Variants in RNF138 observed in about 807,000 individuals in gnomAD.
RNF138 encodes ring finger protein 138.
RNF138 carries 12 observed loss-of-function variants against 31.0 expected under a neutral mutation model. That is an observed-to-expected ratio of 0.39 (90% CI 0.25 to 0.63). The LOEUF (loss-of-function observed/expected upper bound fraction) is 0.63, where lower values mean the gene tolerates loss of function less well. Among genes scored for constraint, RNF138 ranks in the 20% least tolerant of loss-of-function variants. The probability of loss-of-function intolerance (pLI) is 0.52; values close to 1 mark genes in which losing one functional copy is unlikely to be tolerated. For synonymous variants in RNF138, 105 were observed against 99.5 expected (o/e 1.06, Z -0.33); for missense variants, 192 against 300.1 (o/e 0.64, Z 2.66).
At chr18:32,112,593 A>T (rs564551597) in intron 3 of RNF138, among the ~76,000 whole-genome samples, 1 of 152,286 alleles carries the variant, frequency 6.6e-6, no homozygotes, top group East Asian at 1.9e-4. Flanking sequence ...GCTGAGGCAG[A>T]ATTGTTTGAA....
At chr18:32,100,221 T>A (rs547653186) in intron 2 of RNF138, among the ~76,000 whole-genome samples, 1 of 149,382 alleles carries the variant, frequency 6.7e-6, no homozygotes, top group Non-Finnish European at 1.5e-5. Flanking sequence ...TATATATATA[T>A]AAAATCTTTG....
intron 4 of RNF138, among the ~76,000 whole-genome samples, chr18:32,120,861 T>A (rs1315276336): frequency 1.3e-5 from 2 of 152,118 alleles, no homozygotes; most frequent in East Asian, 3.9e-4. Context: ...TGCATAGTAC[T>A]GGCTGGGGGC....
At chr18:32,103,943 C>T (rs1220134866) in intron 2 of RNF138, among the ~76,000 whole-genome samples, 1 of 149,402 alleles carries the variant, frequency 6.7e-6, no homozygotes, top group African/African-American at 2.5e-5. Context: ...CCAGCCTGGG[C>T]GACAGAGCAA....
intron 2 of RNF138, among the ~76,000 whole-genome samples, chr18:32,101,370 C>T (rs1203187531): frequency 1.3e-5 from 2 of 151,814 alleles, no homozygotes; most frequent in African/African-American, 2.4e-5. Flanking sequence ...AGGCGTGCAC[C>T]ACCACTCCTG....
chr18:32,126,367 T>C (rs878988177), intron 6 of RNF138, among the ~76,000 whole-genome samples: 2 of 152,230 alleles, frequency 1.3e-5, no homozygotes, highest in Admixed American at 1.3e-4. Flanking sequence ...TGAGATAATA[T>C]ATTGGATATG....
chr18:32,108,431 T>C (rs1185608538), intron 2 of RNF138, among the ~76,000 whole-genome samples: 2 of 152,278 alleles, frequency 1.3e-5, no homozygotes, highest in East Asian at 1.9e-4. Context: ...GTTTGTACTC[T>C]TTTATATCTG....
At chr18:32,117,286 T>C (rs1338776303) in intron 4 of RNF138, among the ~76,000 whole-genome samples, 1 of 152,056 alleles carries the variant, frequency 6.6e-6, no homozygotes, top group Non-Finnish European at 1.5e-5. Flanking sequence ...GCTCTAATTA[T>C]GCGATTTGAG....
chr18:32,123,651 A>AATT, intron 5 of RNF138, 77 bp downstream of exon 5: 1 of 1,005,270 alleles, frequency 9.9e-7, no homozygotes. Flanking sequence ...TTTAAATTAA[A>AATT]CTTTTTTTTT....
chr18:32,093,535 T>G (rs911227639), intron 2 of RNF138, among the ~76,000 whole-genome samples: 2 of 152,234 alleles, frequency 1.3e-5, no homozygotes, highest in African/African-American at 4.8e-5. Context: ...CTCTTAAAAC[T>G]GACAGGATTT....
At chr18:32,093,502 T>A (rs1598840842) in intron 2 of RNF138, among the ~76,000 whole-genome samples, 1 of 152,340 alleles carries the variant, frequency 6.6e-6, no homozygotes, top group East Asian at 1.9e-4. Context: ...TAGAGGGATC[T>A]AGAATGAGTT....
chr18:32,118,573 G>A (rs1052085685), intron 4 of RNF138, among the ~76,000 whole-genome samples: 9 of 151,900 alleles, frequency 5.9e-5, no homozygotes, highest in African/African-American at 2.2e-4. Context: ...GCTCACGCCT[G>A]TAATCCCAGC....
chr18:32,099,636 C>T (rs2039883078), intron 2 of RNF138, among the ~76,000 whole-genome samples: 2 of 152,160 alleles, frequency 1.3e-5, no homozygotes, highest in African/African-American at 4.8e-5. Context: ...AACTCCTGAC[C>T]CCAAATGATC....
intron 2 of RNF138, among the ~76,000 whole-genome samples, chr18:32,108,339 C>T (rs886702538): frequency 1.3e-5 from 2 of 152,066 alleles, no homozygotes; most frequent in South Asian, 2.1e-4. Flanking sequence ...GGAACATATC[C>T]CACCTCCTTC....
At chr18:32,095,870 A>G (rs534643366) in intron 2 of RNF138, among the ~76,000 whole-genome samples, 2 of 152,328 alleles carry the variant, frequency 1.3e-5, no homozygotes, top group East Asian at 1.9e-4. Flanking sequence ...CCTATAAATG[A>G]GTGTGATTGA....
intron 2 of RNF138, among the ~76,000 whole-genome samples, chr18:32,099,334 GT>G (rs1323408132): frequency 2.0e-5 from 3 of 152,132 alleles, no homozygotes; most frequent in Non-Finnish European, 4.4e-5. Flanking sequence ...TTCGTTTTAT[GT>G]CTGAAGAAAC....
intron 2 of RNF138, among the ~76,000 whole-genome samples, chr18:32,103,824 G>C (rs375974010): frequency 3.5e-3 from 525 of 148,526 alleles, no homozygotes; most frequent in African/African-American, 0.012. Context: ...AAATTAGCCG[G>C]GCGCGGTGGC....
chr18:32,094,800 C>T (rs2039775748), intron 2 of RNF138, among the ~76,000 whole-genome samples: 1 of 151,834 alleles, frequency 6.6e-6, no homozygotes, highest in African/African-American at 2.4e-5. Context: ...ATATATAAAG[C>T]AGGTCTTTTT....
At chr18:32,100,620 C>T (rs1261257225) in intron 2 of RNF138, among the ~76,000 whole-genome samples, 1 of 152,084 alleles carries the variant, frequency 6.6e-6, no homozygotes, top group Non-Finnish European at 1.5e-5. Flanking sequence ...GGATTAAAGG[C>T]ATGCGCCACC....
chr18:32,127,184 T>G (rs1031183199), intron 7 of RNF138, among the ~76,000 whole-genome samples: 5 of 152,174 alleles, frequency 3.3e-5, no homozygotes, highest in Admixed American at 6.5e-5. Flanking sequence ...GCTAGAAATC[T>G]TAGATTTCTC....
Sources: gnomAD v4.1 joint callset for allele counts (sites outside exome capture counted in the v4.1 genomes callset) on GRCh38, gnomAD v4.1.1 for gene constraint, MANE v1.5 for transcripts, NCBI Gene and HGNC (gene_info 2026-07-23, HGNC 2026-07-21) for gene names.